Variants in JARID2 observed in about 807,000 individuals in gnomAD.
The protein encoded by JARID2 is jumonji and AT-rich interaction domain containing 2.
A neutral mutation model predicts 125.6 loss-of-function variants in JARID2; 21 were observed. The ratio of observed to expected loss-of-function variants is 0.17; its 90% CI spans 0.12 to 0.24. The LOEUF (loss-of-function observed/expected upper bound fraction) is 0.24, where lower values mean the gene tolerates loss of function less well. JARID2 is among the 10% of genes least tolerant of loss of function. The probability of loss-of-function intolerance (pLI) is 1.00; values close to 1 mark genes in which losing one functional copy is unlikely to be tolerated. For missense variants in JARID2, 1,303 were observed against 1,639.6 expected (o/e 0.79, Z 3.55); for synonymous variants, 736 against 661.6 (o/e 1.11, Z -1.73).
intron 1 of JARID2, among the ~76,000 whole-genome samples, chr6:15,299,605 G>T (rs1244754942): frequency 1.3e-5 from 2 of 152,170 alleles, no homozygotes; most frequent in Non-Finnish European, 2.9e-5. Context: ...AGTTAGGCCA[G>T]TTAGGGGGAA....
At chr6:15,469,698 T>G (rs1296791383) in intron 5 of JARID2, among the ~76,000 whole-genome samples, 6 of 151,908 alleles carry the variant, frequency 3.9e-5, no homozygotes, top group African/African-American at 1.2e-4. Context: ...TGAGGACTTC[T>G]TAAAGGGAAA....
At chr6:15,437,446 C>T (rs1408525689) in intron 3 of JARID2, among the ~76,000 whole-genome samples, 1 of 152,132 alleles carries the variant, frequency 6.6e-6, no homozygotes, top group Non-Finnish European at 1.5e-5. Flanking sequence ...TGTGGAAGTC[C>T]TCCCTTAACC....
intron 1 of JARID2, among the ~76,000 whole-genome samples, chr6:15,355,015 C>T (rs1763551098): frequency 6.6e-6 from 1 of 152,092 alleles, no homozygotes; most frequent in Non-Finnish European, 1.5e-5. Flanking sequence ...AATTGAAAGT[C>T]CAGAAGAATG....
At chr6:15,420,811 C>T (rs1186761296) in intron 3 of JARID2, among the ~76,000 whole-genome samples, 1 of 152,218 alleles carries the variant, frequency 6.6e-6, no homozygotes, top group African/African-American at 2.4e-5. Context: ...CCCTGCTACT[C>T]AGGCAAAAAC....
chr6:15,284,137 A>G (rs1213443223), intron 1 of JARID2, among the ~76,000 whole-genome samples: 1 of 152,144 alleles, frequency 6.6e-6, no homozygotes, highest in Non-Finnish European at 1.5e-5. Context: ...GAATACGAAA[A>G]TGTTCTGAGA....
chr6:15,429,822 C>A (rs1766894925), intron 3 of JARID2, among the ~76,000 whole-genome samples: 1 of 152,178 alleles, frequency 6.6e-6, no homozygotes, highest in Non-Finnish European at 1.5e-5. Flanking sequence ...TTTCTACATT[C>A]TTTTCCCTGG....
intron 16 of JARID2, among the ~76,000 whole-genome samples, chr6:15,515,641 C>T (rs1264742025): frequency 6.6e-6 from 1 of 151,742 alleles, no homozygotes; most frequent in Non-Finnish European, 1.5e-5. Flanking sequence ...AAAAAATTAA[C>T]TGGGTGTGGT....
chr6:15,468,764 G>T, intron 5 of JARID2, 46 bp downstream of exon 5: 1 of 1,560,902 alleles, frequency 6.4e-7, no homozygotes, highest in Non-Finnish European at 8.7e-7. Context: ...TAAAGCTTTG[G>T]GTGAGAGCTG....
intron 3 of JARID2, among the ~76,000 whole-genome samples, chr6:15,423,156 G>A (rs962387431): frequency 2.0e-5 from 3 of 151,968 alleles, no homozygotes; most frequent in Admixed American, 6.6e-5. Context: ...GTGCCACCAC[G>A]TCCAGCTAAT....
intron 1 of JARID2, among the ~76,000 whole-genome samples, chr6:15,265,269 G>A (rs973399148): frequency 3.3e-5 from 5 of 151,912 alleles, no homozygotes; most frequent in Admixed American, 2.0e-4. Context: ...CTACTGCTCC[G>A]GGCTGTGCTG....
chr6:15,286,848 C>T lies in JARID2; in HGVS notation c.45+40264C>T, dbSNP rs549783483. Among the ~76,000 whole-genome samples, 27 of 143,868 alleles carry T rather than the reference C, an allele frequency of 1.9e-4. No homozygotes were observed. In the East Asian group the frequency reaches 4.2e-3, roughly 22 times the overall value. The allele number at this position is 143,868 out of a possible 152,430, so 94.4% of individuals were successfully genotyped here. On this transcript the variant is annotated intron_variant, in intron 1 of 17. Transcript: ENST00000341776. ...CTGCACTCCAGCCTGGGCGACAGAG[C>T]GAGACTCCATCTCAAAAAAAAAAAA... is the stretch of plus-strand genomic sequence containing the variant.
chr6:15,247,545 CA>C (rs202186314), intron 1 of JARID2: 2 of 763,570 alleles, frequency 2.6e-6, no homozygotes, highest in Non-Finnish European at 1.5e-6. Flanking sequence ...TTTTTTTTTT[CA>C]AAAAAGGCCA....
At chr6:15,275,544 C>CCCCCCCCCCCG (rs1554118142) in intron 1 of JARID2, among the ~76,000 whole-genome samples, 1 of 94,606 alleles carries the variant, frequency 1.1e-5, no homozygotes, top group Non-Finnish European at 2.3e-5. Context: ...CCCCCCCCCC[C>CCCCCCCCCCCG]GTCTTTTGCC....
At chr6:15,384,230 G>A (rs1296123281) in intron 2 of JARID2, among the ~76,000 whole-genome samples, 2 of 152,168 alleles carry the variant, frequency 1.3e-5, no homozygotes, top group African/African-American at 4.8e-5. Flanking sequence ...TGGACCACAG[G>A]TGGGTGCCAC....
At chr6:15,389,066 T>A (rs547292904) in intron 2 of JARID2, among the ~76,000 whole-genome samples, 1 of 152,214 alleles carries the variant, frequency 6.6e-6, no homozygotes, top group Non-Finnish European at 1.5e-5. Flanking sequence ...AGTCTGCTTT[T>A]AGCTTTCCAT....
At chr6:15,516,712 G>A (rs1229025317) in intron 16 of JARID2, among the ~76,000 whole-genome samples, 3 of 152,204 alleles carry the variant, frequency 2.0e-5, no homozygotes, top group Non-Finnish European at 2.9e-5. Context: ...CCGGGTGGCC[G>A]CCTAAGTTGG....
chr6:15,483,525 T>C (rs146660178), intron 5 of JARID2, among the ~76,000 whole-genome samples: 1 of 152,336 alleles, frequency 6.6e-6, no homozygotes, highest in African/African-American at 2.4e-5. Context: ...ATATATTTTG[T>C]TGAGATAAAA....
At chr6:15,508,657 A>C (rs115998508) in intron 12 of JARID2, among the ~76,000 whole-genome samples, 1 of 152,152 alleles carries the variant, frequency 6.6e-6, no homozygotes, top group African/African-American at 2.4e-5. Flanking sequence ...GGTGCTGGAG[A>C]ATGTTGTAAC....
intron 2 of JARID2, among the ~76,000 whole-genome samples, chr6:15,375,230 G>A (rs1270147782): frequency 6.6e-6 from 1 of 152,184 alleles, no homozygotes; most frequent in African/African-American, 2.4e-5. Context: ...TTGCTGCTCT[G>A]TTTCTATGGG....
Sources: gnomAD v4.1 joint callset for allele counts (sites outside exome capture counted in the v4.1 genomes callset) on GRCh38, gnomAD v4.1.1 for gene constraint, MANE v1.5 for transcripts, NCBI Gene and HGNC (gene_info 2026-07-23, HGNC 2026-07-21) for gene names.